AKT3: variants seen among roughly 807,000 people sequenced by gnomAD.
The protein encoded by AKT3 is AKT serine/threonine kinase 3.
In AKT3, 15 loss-of-function variants were observed where a neutral mutation model predicts 65.3. The ratio of observed to expected loss-of-function variants is 0.23; its 90% CI spans 0.15 to 0.35. AKT3 has a LOEUF of 0.35. Ranked by LOEUF, AKT3 falls within the 10% of genes least tolerant of loss-of-function variation. The probability of loss-of-function intolerance (pLI) is 1.00; values close to 1 mark genes in which losing one functional copy is unlikely to be tolerated. For synonymous variants in AKT3, 206 were observed against 183.8 expected (o/e 1.12, Z -0.98); for missense variants, 243 against 576.5 (o/e 0.42, Z 5.92).
chr1:243,825,434 C>T (rs1694108891), intron 2 of AKT3, among the ~76,000 whole-genome samples: 3 of 152,168 alleles, frequency 2.0e-5, no homozygotes, highest in African/African-American at 7.2e-5. Flanking sequence ...TTCAAATCTG[C>T]ATCATAAAGT....
intron 2 of AKT3, among the ~76,000 whole-genome samples, chr1:243,702,041 G>A (rs555464551): frequency 4.1e-5 from 6 of 148,062 alleles, no homozygotes; most frequent in Admixed American, 2.7e-4. Context: ...TAATGCATGC[G>A]TTAATGAAAA....
chr1:243,540,390 C>A lies in AKT3; in HGVS notation c.1251+5120G>T, dbSNP rs550472011. 2.4e-3 allele frequency among the ~76,000 whole-genome samples: 369 copies of A among 152,090 alleles called. 2 individuals are homozygous for A. The highest frequency in any genetic ancestry group is 8.7e-3 in the African/African-American group (362 of 41,484). On this transcript the variant is annotated intron_variant, in intron 12 of 13. Coordinates refer to ENST00000673466, the MANE Select transcript of AKT3 (RefSeq NM_005465.7). ...AAAAAGCTTTAATAAAATTCAATAC[C>A]CATTCATGATTTTAAAAACTCTCAG...
At position 243,503,043 on chromosome 1, in the gene AKT3, G is replaced by T. The variant is rs1669419452; in HGVS notation, c.*2206C>A. ...TATAATGGATGCAAGACAACTTAAA[G>T]AACATACCTTCTAGTCTACTTTTTT... On this transcript the variant is annotated 3_prime_UTR_variant, in exon 14 of 14. Coordinates refer to ENST00000673466, the MANE Select transcript of AKT3 (RefSeq NM_005465.7). 1 of 233,282 alleles carries T rather than the reference G, an allele frequency of 4.3e-6. No individual in the cohort carries two copies. Among genetic ancestry groups the T allele is most frequent in the Non-Finnish European group, 8.5e-6 (1 of 117,966 alleles). 14.5% of individuals were successfully genotyped at this position (233,282 alleles called of 1,614,324 possible).
At chr1:243,682,855 T>C (rs1053795545) in intron 3 of AKT3, among the ~76,000 whole-genome samples, 2 of 152,184 alleles carry the variant, frequency 1.3e-5, no homozygotes, top group Non-Finnish European at 2.9e-5. Context: ...AATCTCAATG[T>C]CCAAAGAAGC....
chr1:243,606,365 C>T (rs528312089), intron 8 of AKT3, among the ~76,000 whole-genome samples: 2 of 152,264 alleles, frequency 1.3e-5, no homozygotes, highest in African/African-American at 4.8e-5. Flanking sequence ...GTGATATGGA[C>T]AATAAAGTCC....
At chr1:243,604,139 C>T (rs540655758) in intron 8 of AKT3, among the ~76,000 whole-genome samples, 32 of 152,212 alleles carry the variant, frequency 2.1e-4, no homozygotes, top group Non-Finnish European at 3.8e-4. Flanking sequence ...AGGTGATCCA[C>T]CCACCTCAGC....
intron 2 of AKT3, among the ~76,000 whole-genome samples, chr1:243,792,065 TC>T (rs533155149): frequency 1.4e-3 from 219 of 152,266 alleles, no homozygotes; most frequent in Non-Finnish European, 2.3e-3. Context: ...GATCTAGGGG[TC>T]AAGGACAGTC....
At chr1:243,538,835 A>G (rs1168629489) in intron 12 of AKT3, among the ~76,000 whole-genome samples, 1 of 152,042 alleles carries the variant, frequency 6.6e-6, no homozygotes, top group African/African-American at 2.4e-5. Context: ...ATCTCTTAAA[A>G]AAAAAAAGAA....
intron 2 of AKT3, among the ~76,000 whole-genome samples, chr1:243,756,510 C>T (rs1475843460): frequency 2.6e-5 from 4 of 152,088 alleles, no homozygotes; most frequent in African/African-American, 4.8e-5. Flanking sequence ...ATACATAATA[C>T]GAAAACACTA....
chr1:243,791,954 GT>G (rs1389330413), intron 2 of AKT3, among the ~76,000 whole-genome samples: 1 of 152,184 alleles, frequency 6.6e-6, no homozygotes, highest in Non-Finnish European at 1.5e-5. Context: ...ATTTAGTTAG[GT>G]TTATGAAGAC....
chr1:243,749,532 G>A (rs555789585), intron 2 of AKT3, among the ~76,000 whole-genome samples: 15 of 152,222 alleles, frequency 9.9e-5, no homozygotes, highest in Middle Eastern at 3.4e-3. Flanking sequence ...AACAAAGGAA[G>A]TCATATACAT....
chr1:243,560,913 T>A (rs1444698061), intron 10 of AKT3, among the ~76,000 whole-genome samples: 1 of 152,092 alleles, frequency 6.6e-6, no homozygotes, highest in Non-Finnish European at 1.5e-5. Context: ...CATATCTTCT[T>A]CCATAGCAAA....
rs753476454 is a variant in AKT3 at position 243,650,253 on chromosome 1, G to A, written c.285-4216C>T. On this transcript the variant is annotated intron_variant, in intron 4 of 13. Coordinates refer to ENST00000673466, the MANE Select transcript of AKT3 (RefSeq NM_005465.7). ...ATATCCTTTGCCCACTTTTTGATGG[G>A]GTTGTTTTCTTCTTATAAATTTGTT... Among the ~76,000 whole-genome samples, 102 of 152,018 alleles carry A rather than the reference G, an allele frequency of 6.7e-4. 2 individuals carry two copies. The highest frequency in any genetic ancestry group is 6.7e-3 in the Admixed American group (102 of 15,266).
At position 243,563,837 on chromosome 1, in the gene AKT3, T is replaced by G; in HGVS notation, c.831A>C (p.Leu277=). The change falls in exon 10 of 14, where the codon CTA becomes CTC. Residue 277 remains leucine (L), a synonymous_variant. Coordinates refer to ENST00000673466, the MANE Select transcript of AKT3 (RefSeq NM_005465.7). Reference sequence around the variant, plus strand: ...TTATGTGGCCATCTTTGTCCAGCATTAGATTCTCCAACTGTGTATTAAGAA... The same window carrying G: ...TTATGTGGCCATCTTTGTCCAGCATGAGATTCTCCAACTGTGTATTAAGAA... ...IVYRDLKLEN[L]MLDKDGHIKI... The G allele has an allele frequency of 6.2e-7, 1 of 1,611,656 alleles. No homozygotes were observed. The highest frequency in any genetic ancestry group is 8.5e-7 in the Non-Finnish European group (1 of 1,179,142).
At chr1:243,769,844 A>T (rs980524625) in intron 2 of AKT3, among the ~76,000 whole-genome samples, 3 of 152,076 alleles carry the variant, frequency 2.0e-5, no homozygotes, top group Non-Finnish European at 2.9e-5. Flanking sequence ...TTTCTTTTTC[A>T]TTGACTGCTT....
chr1:243,641,282 ACACACACG>A (rs954492892), intron 5 of AKT3, among the ~76,000 whole-genome samples: 1 of 150,168 alleles, frequency 6.7e-6, no homozygotes, highest in African/African-American at 2.4e-5. Context: ...ATACACACAC[ACACACACG>A]CACACACACA....
intron 13 of AKT3, among the ~76,000 whole-genome samples, chr1:243,490,607 G>A (rs1666164287): frequency 6.6e-6 from 1 of 152,248 alleles, no homozygotes; most frequent in South Asian, 2.1e-4. Context: ...TGCACAGTGG[G>A]CATGGTGCAC....
At chr1:243,583,283 C>T (rs1179556768) in intron 8 of AKT3, among the ~76,000 whole-genome samples, 1 of 146,858 alleles carries the variant, frequency 6.8e-6, no homozygotes, top group Non-Finnish European at 1.5e-5. Context: ...AGTCATAAAA[C>T]AAGTACTACT....
intron 6 of AKT3, chr1:243,625,056 C>T (rs539107154): frequency 3.0e-6 from 1 of 330,278 alleles, no homozygotes; most frequent in Non-Finnish European, 6.2e-6. Context: ...GCCTCCTCCA[C>T]CCTTGCCCTT....
Sources: gnomAD v4.1 joint callset for allele counts (sites outside exome capture counted in the v4.1 genomes callset) on GRCh38, gnomAD v4.1.1 for gene constraint, MANE v1.5 for transcripts, NCBI Gene and HGNC (gene_info 2026-07-23, HGNC 2026-07-21) for gene names.